Variants in NOX4 observed in about 807,000 individuals in gnomAD.
The protein encoded by NOX4 is NADPH oxidase 4, also known as kidney oxidase-1.
A neutral mutation model predicts 87.6 loss-of-function variants in NOX4; 69 were observed. That is an observed-to-expected ratio of 0.79 (90% CI 0.65 to 0.96). The LOEUF (loss-of-function observed/expected upper bound fraction) is 0.96. NOX4 is among the 40% of genes least tolerant of loss of function. The pLI, the probability that NOX4 is intolerant of heterozygous loss-of-function variation, is 0.00. For missense variants in NOX4, 680 were observed against 681.5 expected (o/e 1.00, Z 0.02); for synonymous variants, 275 against 238.2 (o/e 1.15, Z -1.42).
chr11:89,524,980 C>T, the NOX4 span, among the ~76,000 whole-genome samples: 2 of 151,954 alleles, frequency 1.3e-5, no homozygotes, highest in Non-Finnish European at 1.5e-5. Context: ...TTTCATTCAG[C>T]TTAATGATTT....
At chr11:89,336,906 T>C (rs1945736225) in intron 16 of NOX4, among the ~76,000 whole-genome samples, 1 of 152,054 alleles carries the variant, frequency 6.6e-6, no homozygotes, top group African/African-American at 2.4e-5. Flanking sequence ...CCTAGATTTA[T>C]ACACCAGTCC....
At chr11:89,451,127 TG>T (rs1944938574) in intron 3 of NOX4, among the ~76,000 whole-genome samples, 1 of 150,734 alleles carries the variant, frequency 6.6e-6, no homozygotes, top group Non-Finnish European at 1.5e-5. Flanking sequence ...GACGAGTTAA[TG>T]GGTACAGCAC....
At chr11:89,572,614 AT>A in the NOX4 span, among the ~76,000 whole-genome samples, 1 of 152,126 alleles carries the variant, frequency 6.6e-6, no homozygotes, top group Non-Finnish European at 1.5e-5. Flanking sequence ...CAGTGGCACA[AT>A]CTAGGCTCAC....
intron 2 of NOX4, among the ~76,000 whole-genome samples, chr11:89,476,341 C>T (rs767572055): frequency 6.6e-5 from 10 of 151,836 alleles, no homozygotes; most frequent in African/African-American, 1.7e-4. Context: ...TACTATTATG[C>T]GCAGTTCATA....
At chr11:89,465,114 T>C (rs1945619356) in intron 2 of NOX4, among the ~76,000 whole-genome samples, 1 of 152,186 alleles carries the variant, frequency 6.6e-6, no homozygotes, top group African/African-American at 2.4e-5. Flanking sequence ...ACATTAGGTA[T>C]TTCTCCTAAT....
At chr11:89,414,542 T>A (rs1942658311) in intron 8 of NOX4, among the ~76,000 whole-genome samples, 1 of 150,742 alleles carries the variant, frequency 6.6e-6, no homozygotes, top group Admixed American at 6.7e-5. Context: ...TCTGCTCCAG[T>A]CTAAATCCTA....
Position 89,437,198 on chromosome 11 carries a change from T to TAA in NOX4, c.475+3488_475+3489dup, listed in dbSNP as rs900582131. Among the ~76,000 whole-genome samples the TAA allele has an allele frequency of 2.7e-5, 4 of 148,200 alleles. No individual in the cohort carries two copies. The East Asian group carries it at 5.9e-4, about 22-fold the overall frequency. On this transcript the variant is annotated intron_variant, in intron 6 of 17. Coordinates refer to ENST00000263317, the MANE Select transcript of NOX4 (RefSeq NM_016931.5). Reference sequence around the variant, plus strand: ...CAACATAGTGAAACTCCATCTCTACTAAAAAAAAAATACAAAAAACTTAGC... The same window carrying TAA: ...CAACATAGTGAAACTCCATCTCTACTAAAAAAAAAAAATACAAAAAACTTAGC...
the NOX4 span, among the ~76,000 whole-genome samples, chr11:89,536,445 G>A: frequency 1.3e-5 from 2 of 152,040 alleles, no homozygotes; most frequent in African/African-American, 4.8e-5. Flanking sequence ...CTTGCCCAGC[G>A]ATCTGGTCCT....
At chr11:89,368,226 T>G (rs989597346) in intron 12 of NOX4, among the ~76,000 whole-genome samples, 6 of 152,132 alleles carry the variant, frequency 3.9e-5, no homozygotes, top group Non-Finnish European at 7.4e-5. Context: ...ATTTCTTTAT[T>G]TCACTTTACA....
chr11:89,530,110 C>T, the NOX4 span, among the ~76,000 whole-genome samples: 48 of 151,818 alleles, frequency 3.2e-4, no homozygotes, highest in African/African-American at 1.0e-3. Flanking sequence ...AACAGATCTG[C>T]GTTTATGTTA....
rs188525660 is a variant in NOX4 at position 89,417,232 on chromosome 11, G to A, written c.629+4670C>T. 3.9e-3 allele frequency among the ~76,000 whole-genome samples: 595 copies of A among 152,194 alleles called. 2 individuals carry two copies. The highest frequency in any genetic ancestry group is 7.1e-3 in the Non-Finnish European group (480 of 67,986). On this transcript the variant is annotated intron_variant, in intron 8 of 17. Transcript: ENST00000263317. ...CTCTTAAGCAGAGACTGTGACATTC[G>A]TAATTTATTTTCCCTCCAATACTCT...
intron 6 of NOX4, among the ~76,000 whole-genome samples, chr11:89,438,367 A>T (rs1944195387): frequency 1.8e-5 from 2 of 111,166 alleles, no homozygotes; most frequent in Admixed American, 1.3e-4. Flanking sequence ...ATATTATATA[A>T]TATATATAAT....
chr11:89,483,600 G>A (rs1043458703), intron 2 of NOX4, among the ~76,000 whole-genome samples: 2 of 151,550 alleles, frequency 1.3e-5, no homozygotes, highest in Non-Finnish European at 2.9e-5. Flanking sequence ...ACCAGGTGCT[G>A]GTGGGGGTGG....
the NOX4 span, among the ~76,000 whole-genome samples, chr11:89,547,291 C>CTTGATTA: frequency 4.6e-5 from 7 of 152,050 alleles, no homozygotes; most frequent in Non-Finnish European, 2.9e-5. Context: ...TGATAAACAA[C>CTTGATTA]AGTAAGCAAA....
chr11:89,525,189 T>C, the NOX4 span, among the ~76,000 whole-genome samples: 1 of 152,058 alleles, frequency 6.6e-6, no homozygotes, highest in East Asian at 1.9e-4. Context: ...TAAGTGAACA[T>C]CTCTTTTTAT....
At chr11:89,489,868 T>C (rs1946783341) in intron 2 of NOX4, among the ~76,000 whole-genome samples, 1 of 151,780 alleles carries the variant, frequency 6.6e-6, no homozygotes, top group Non-Finnish European at 1.5e-5. Flanking sequence ...ATCAGAAACA[T>C]CATAGAAAAG....
chr11:89,588,787 T>C, the NOX4 span, among the ~76,000 whole-genome samples: 14 of 152,278 alleles, frequency 9.2e-5, no homozygotes, highest in East Asian at 2.7e-3. Context: ...ACTGAATCTG[T>C]AGGCGTGATT....
chr11:89,503,232 TC>T, the NOX4 span, among the ~76,000 whole-genome samples: 1 of 151,930 alleles, frequency 6.6e-6, no homozygotes, highest in Admixed American at 6.6e-5. Context: ...CTGATATTAC[TC>T]CCAAATATCA....
intron 12 of NOX4, among the ~76,000 whole-genome samples, chr11:89,358,326 C>T (rs1192245361): frequency 7.3e-6 from 1 of 137,576 alleles, no homozygotes; most frequent in African/African-American, 2.7e-5. Flanking sequence ...GCAGAGGTTG[C>T]AGTGAGCTGA....
Sources: gnomAD v4.1 joint callset for allele counts (sites outside exome capture counted in the v4.1 genomes callset) on GRCh38, gnomAD v4.1.1 for gene constraint, MANE v1.5 for transcripts, NCBI Gene and HGNC (gene_info 2026-07-23, HGNC 2026-07-21) for gene names.